The following TRPC1 variants were observed in gnomAD, a reference collection of about 807,000 sequenced individuals.
TRPC1 encodes the protein transient receptor potential cation channel subfamily C member 1, also known as short transient receptor potential channel 1.
Under a neutral mutation model 88.2 loss-of-function variants are expected in TRPC1, and 42 were observed. The observed-to-expected ratio is 0.48, with a 90% confidence interval of 0.37 to 0.62. TRPC1 has a LOEUF of 0.62. Ranked by LOEUF, TRPC1 falls within the 20% of genes least tolerant of loss-of-function variation. The probability of loss-of-function intolerance (pLI) is 0.00; values close to 1 mark genes in which losing one functional copy is unlikely to be tolerated. For synonymous variants in TRPC1, 288 were observed against 331.8 expected (o/e 0.87, Z 1.43); for missense variants, 699 against 957.3 (o/e 0.73, Z 3.56).
rs140207901 is a variant in TRPC1, at chr3:142,728,702, C to T, written c.172+3971C>T. Among the ~76,000 whole-genome samples, 9 of 152,192 alleles carry T rather than the reference C, an allele frequency of 5.9e-5. No individual in the cohort carries two copies. The East Asian group carries it at 1.7e-3, about 29-fold the overall frequency. On this transcript the variant is annotated intron_variant, in intron 1 of 12. Coordinates refer to ENST00000476941, the MANE Select transcript of TRPC1 (RefSeq NM_001251845.2). Reference sequence around the variant, plus strand: ...AATGTGCAACAACTCCAGAGAGAAGCCAGAGTCAGAAGAAAAAAGTGCAGC... The same window carrying T: ...AATGTGCAACAACTCCAGAGAGAAGTCAGAGTCAGAAGAAAAAAGTGCAGC...
chr3:142,756,363 T>C (rs2108063140), intron 4 of TRPC1, among the ~76,000 whole-genome samples: 1 of 147,182 alleles, frequency 6.8e-6, no homozygotes, highest in South Asian at 2.1e-4. Context: ...TGATGGTTCT[T>C]TTTTTTTTTT....
At position 142,744,531 on chromosome 3, in the gene TRPC1, T is replaced by C. The variant is rs570751665; in HGVS notation, c.429+945T>C. Among the ~76,000 whole-genome samples, 9 of 152,266 alleles carry C rather than the reference T, an allele frequency of 5.9e-5. 1 individual carries two copies. In the South Asian group the frequency reaches 1.7e-3, roughly 28 times the overall value. On this transcript the variant is annotated intron_variant, in intron 3 of 12. Transcript: ENST00000476941. ...TAGGAAATATAAATGATTACATATA[T>C]GTACAATGGAATATTATGCAGTCAT...
rs139834029 is a variant in TRPC1, at chr3:142,776,633, G to A, written c.633-999G>A. 2.2e-3 allele frequency among the ~76,000 whole-genome samples: 342 copies of A among 152,174 alleles called. No homozygotes were observed. Among genetic ancestry groups the A allele is most frequent in the African/African-American group, 7.4e-3 (306 of 41,518 alleles). On this transcript the variant is annotated intron_variant, in intron 4 of 12. Transcript: ENST00000476941. This position sits in a 1 kb window ranked among gnomAD's most constrained non-coding sequence, Gnocchi z 4.1. ...TAAAATATTTTTATGGTCTGGGCGC[G>A]GTGGCTCACGCCTGTAATCCCAGCA... is the stretch of plus-strand genomic sequence containing the variant.
chr3:142,726,337 G>A (rs1219694180), intron 1 of TRPC1, among the ~76,000 whole-genome samples: 1 of 152,106 alleles, frequency 6.6e-6, no homozygotes, highest in Non-Finnish European at 1.5e-5. Flanking sequence ...GTATATTTAG[G>A]ATTATTGCAT....
chr3:142,762,189 C>T (rs1935203683), intron 4 of TRPC1, among the ~76,000 whole-genome samples: 1 of 151,994 alleles, frequency 6.6e-6, no homozygotes, highest in Non-Finnish European at 1.5e-5. Context: ...GCACGTGCCA[C>T]CACATCTGAC....
chr3:142,805,127 TATACACACACACACAC>T (rs1450822467), intron 12 of TRPC1, among the ~76,000 whole-genome samples: 11 of 120,482 alleles, frequency 9.1e-5, no homozygotes, highest in South Asian at 8.1e-4. Context: ...CAAATATATA[TATACACACACACACAC>T]ACACACACAC....
At chr3:142,782,818 G>A (rs1936005915) in intron 6 of TRPC1, among the ~76,000 whole-genome samples, 1 of 152,192 alleles carries the variant, frequency 6.6e-6, no homozygotes, top group African/African-American at 2.4e-5. Flanking sequence ...AAGCCTCTGC[G>A]GGCTGGCTGG....
rs1301244138 is a variant in TRPC1, at chr3:142,792,321, G to C, written c.1438-503G>C. 1.3e-5 allele frequency among the ~76,000 whole-genome samples: 2 copies of C among 151,974 alleles called. No individual in the cohort carries two copies. The highest frequency in any genetic ancestry group is 4.8e-5 in the African/African-American group (2 of 41,420). ...ATTAATAATTATGCCAGGACAACTG[G>C]TACAGCATCTTAAACTATCCCAGGC... On this transcript the variant is annotated intron_variant, in intron 8 of 12. Transcript: ENST00000476941. This position sits in a 1 kb window ranked among gnomAD's most constrained non-coding sequence, Gnocchi z 4.0.
chr3:142,736,460 G>A lies in TRPC1; in HGVS notation c.254G>A (p.Arg85Lys), dbSNP rs750429181. ...ATAAATTGCGTAGATGTGCTTGGGAGAAATGCTGTTACCATAACTATTGAA... is the reference window on the plus strand; with the variant it reads ...ATAAATTGCGTAGATGTGCTTGGGAAAAATGCTGTTACCATAACTATTGAA... ...LNINCVDVLG[R>K]NAVTITIENE... The change falls in exon 2 of 13, where the codon AGA (arginine) becomes AAA (lysine). Residue 85 changes from arginine to lysine, a missense_variant. This residue lies in a region of TRPC1 where 157 missense variants were observed against 127.0 expected (regional missense o/e 1.24). Transcript: ENST00000476941. 1 of 1,612,884 alleles carries A rather than the reference G, an allele frequency of 6.2e-7. No homozygotes were observed.
intron 3 of TRPC1, 117 bp downstream of exon 3, chr3:142,743,703 T>A: frequency 5.4e-6 from 3 of 553,696 alleles, no homozygotes; most frequent in Non-Finnish European, 8.7e-6. Context: ...ATAGATATTT[T>A]TTCTCACTCT....
chr3:142,802,877 A>G (rs1936666630), intron 10 of TRPC1, among the ~76,000 whole-genome samples: 2 of 152,280 alleles, frequency 1.3e-5, no homozygotes, highest in South Asian at 4.1e-4. Flanking sequence ...AACAATGGAG[A>G]AGAGTTGTGG....
Position 142,800,552 on chromosome 3 carries a change from G to A in TRPC1, c.1582-1617G>A, listed in dbSNP as rs115685504. On this transcript the variant is annotated intron_variant, in intron 9 of 12. Transcript: ENST00000476941. ...TTAGGAATTTTATTTAAAGCTTGATGTAATTAATTATATAAATTTGACCTG... is the reference window on the plus strand; with the variant it reads ...TTAGGAATTTTATTTAAAGCTTGATATAATTAATTATATAAATTTGACCTG... Among the ~76,000 whole-genome samples the A allele has an allele frequency of 2.3e-3, 344 of 152,240 alleles. 1 individual carries two copies. Among genetic ancestry groups the A allele is most frequent in the Middle Eastern group, 6.8e-3 (2 of 294 alleles).
At chr3:142,746,518 T>C (rs925575577) in intron 3 of TRPC1, among the ~76,000 whole-genome samples, 1 of 152,114 alleles carries the variant, frequency 6.6e-6, no homozygotes, top group African/African-American at 2.4e-5. Context: ...CCTCAATAAA[T>C]AAATAAGTAT....
intron 5 of TRPC1, among the ~76,000 whole-genome samples, chr3:142,780,009 G>A (rs907533328): frequency 6.6e-6 from 1 of 151,824 alleles, no homozygotes; most frequent in Non-Finnish European, 1.5e-5. Flanking sequence ...CACCATGCCT[G>A]ACTAATTTTT....
chr3:142,807,257 T>C lies in TRPC1; in HGVS notation c.*1022T>C, dbSNP rs1237604596. 1 of 152,218 alleles carries C rather than the reference T, an allele frequency of 6.6e-6. No homozygotes were observed. The highest frequency in any genetic ancestry group is 1.9e-4 in the East Asian group (1 of 5,202). The allele number at this position is 152,218 out of a possible 1,614,324, so 9.4% of individuals were successfully genotyped here. A position where few individuals can be genotyped will look rare whatever the true frequency, so the allele number is the denominator to read the frequency against. ...TTCTTGAGCTTATCTCCCAAGGTAC[T>C]TTCCATAATTTAACACAGCTTCTAT... On this transcript the variant is annotated 3_prime_UTR_variant, in exon 13 of 13. Coordinates refer to ENST00000476941, the MANE Select transcript of TRPC1 (RefSeq NM_001251845.2).
chr3:142,755,247 A>T (rs1250976921), intron 4 of TRPC1, among the ~76,000 whole-genome samples: 1 of 152,084 alleles, frequency 6.6e-6, no homozygotes, highest in Non-Finnish European at 1.5e-5. Context: ...ACATGGTGAA[A>T]ACCCATCTCT....
intron 2 of TRPC1, among the ~76,000 whole-genome samples, chr3:142,737,705 C>G (rs555375445): frequency 6.6e-6 from 1 of 152,130 alleles, no homozygotes; most frequent in African/African-American, 2.4e-5. Context: ...CAGAGGTCAA[C>G]AGCATTACAC....
Position 142,724,655 on chromosome 3 carries a change from G to A in TRPC1, c.96G>A (p.Met32Ile). ...CCTCTTCCTCGCCGAACGAGGTGAT[G>A]GCGCTGAAGGATGTGCGGGAGGTGA... Reference protein sequence around the residue: ...SPSSSSPNEVMALKDVREVKE... With the variant: ...SPSSSSPNEVIALKDVREVKE... The change falls in exon 1 of 13, where the codon ATG becomes ATA. Residue 32 changes from methionine (M) to isoleucine (I), a missense_variant. This residue lies in a region of TRPC1 where 157 missense variants were observed against 127.0 expected (regional missense o/e 1.24). Coordinates refer to ENST00000476941, the MANE Select transcript of TRPC1 (RefSeq NM_001251845.2). This position sits in a 1 kb window ranked among gnomAD's most constrained non-coding sequence, Gnocchi z 5.6. The A allele has an allele frequency of 1.2e-6, 2 of 1,612,978 alleles. No individual in the cohort carries two copies. The highest frequency in any genetic ancestry group is 1.7e-6 in the Non-Finnish European group (2 of 1,179,456).
At chr3:142,726,185 G>A (rs912991453) in intron 1 of TRPC1, among the ~76,000 whole-genome samples, 9 of 152,130 alleles carry the variant, frequency 5.9e-5, no homozygotes, top group African/African-American at 7.2e-5. Flanking sequence ...GTAAGTGCTG[G>A]CTCCATGTAT....
Sources: allele counts gnomAD v4.1 joint callset (sites outside exome capture counted in the v4.1 genomes callset), GRCh38; gene constraint gnomAD v4.1.1; regional missense constraint gnomAD v4.1.1; non-coding constraint Gnocchi (gnomAD v3.1); transcripts MANE v1.5; gene names NCBI Gene and HGNC (gene_info 2026-07-23, HGNC 2026-07-21).